The following PLXDC2 variants were observed in gnomAD, a reference collection of about 807,000 sequenced individuals.
PLXDC2 encodes the protein plexin domain-containing protein 2.
In PLXDC2, 40 loss-of-function variants were observed where a neutral mutation model predicts 68.9. The ratio of observed to expected loss-of-function variants is 0.58; its 90% CI spans 0.45 to 0.76. The LOEUF (loss-of-function observed/expected upper bound fraction) is 0.76. PLXDC2 is among the 30% of genes least tolerant of loss of function. The pLI is 0.00. For missense variants in PLXDC2, 644 were observed against 661.9 expected, an observed-to-expected ratio of 0.97 and a Z score of 0.30; for synonymous variants, 243 against 234.2, an observed-to-expected ratio of 1.04 and a Z score of -0.34.
chr10:19,926,615 C>A (rs1833540973), intron 1 of PLXDC2, among the ~76,000 whole-genome samples: 1 of 151,960 alleles, frequency 6.6e-6, no homozygotes, highest in South Asian at 2.1e-4. Context: ...TCCATTTTTT[C>A]CCATTGTTCT....
At chr10:19,926,839 G>T (rs1355302941) in intron 1 of PLXDC2, among the ~76,000 whole-genome samples, 1 of 152,192 alleles carries the variant, frequency 6.6e-6, no homozygotes, top group Non-Finnish European at 1.5e-5. Flanking sequence ...AAAGACCAAT[G>T]AGAGCCCTTG....
chr10:20,133,262 T>TAGTGTGATTGCA (rs1833890633), intron 4 of PLXDC2, among the ~76,000 whole-genome samples: 2 of 152,220 alleles, frequency 1.3e-5, no homozygotes, highest in Non-Finnish European at 2.9e-5. Context: ...AATATAAGAA[T>TAGTGTGATTGCA]AGCTGAGTGT....
chr10:19,912,815 G>T (rs189961770), intron 1 of PLXDC2, among the ~76,000 whole-genome samples: 4 of 152,222 alleles, frequency 2.6e-5, no homozygotes, highest in African/African-American at 9.6e-5. Flanking sequence ...TCTCTAGCTA[G>T]ACAGTGGATT....
intron 1 of PLXDC2, among the ~76,000 whole-genome samples, chr10:19,891,865 TG>T (rs1837969822): frequency 2.6e-5 from 4 of 152,224 alleles, no homozygotes; most frequent in Non-Finnish European, 5.9e-5. Context: ...CTTCTTTGAT[TG>T]AAAAAATTGG....
chr10:19,892,396 A>G (rs1325144732), intron 1 of PLXDC2, among the ~76,000 whole-genome samples: 1 of 152,188 alleles, frequency 6.6e-6, no homozygotes, highest in Non-Finnish European at 1.5e-5. Context: ...TCCGCTCTTA[A>G]CCACTATGCC....
At chr10:20,074,864 GTAT>G (rs35596122) in intron 4 of PLXDC2, among the ~76,000 whole-genome samples, 5 of 151,002 alleles carry the variant, frequency 3.3e-5, no homozygotes, top group African/African-American at 7.3e-5. Flanking sequence ...GAGTTGTTTT[GTAT>G]TATTATTATT....
rs1244468701 is a variant in PLXDC2 at position 20,045,808 on chromosome 10, T to A, written c.325-1061T>A. Among the ~76,000 whole-genome samples the A allele has an allele frequency of 2.0e-5, 3 of 152,202 alleles. No homozygotes were observed. In the East Asian group the frequency reaches 5.8e-4, roughly 29 times the overall value. ...ACATTTTTTCTTACATTTACCTGAATGTTTTAAAATATTTTTTGTCTACTA... is the reference window on the plus strand; with the variant it reads ...ACATTTTTTCTTACATTTACCTGAAAGTTTTAAAATATTTTTTGTCTACTA... On this transcript the variant is annotated intron_variant, in intron 2 of 13. Coordinates refer to ENST00000377252, the MANE Select transcript of PLXDC2 (RefSeq NM_032812.9).
At chr10:20,018,126 A>G (rs1321355908) in intron 2 of PLXDC2, among the ~76,000 whole-genome samples, 1 of 152,228 alleles carries the variant, frequency 6.6e-6, no homozygotes, top group Non-Finnish European at 1.5e-5. Context: ...ATGGCAAAAC[A>G]AAATATTTCT....
intron 1 of PLXDC2, among the ~76,000 whole-genome samples, chr10:19,891,020 G>T (rs1837949905): frequency 6.6e-6 from 1 of 151,998 alleles, no homozygotes. Context: ...TCTAACTTCT[G>T]ACCTCATTTC....
chr10:19,981,703 C>A (rs564546078), intron 1 of PLXDC2, among the ~76,000 whole-genome samples: 1 of 152,182 alleles, frequency 6.6e-6, no homozygotes, highest in Non-Finnish European at 1.5e-5. Flanking sequence ...ATTCAGCATG[C>A]GCCTTTTTGT....
intron 12 of PLXDC2, among the ~76,000 whole-genome samples, chr10:20,222,797 G>C (rs1172208460): frequency 1.3e-5 from 2 of 151,552 alleles, no homozygotes; most frequent in Non-Finnish European, 2.9e-5. Context: ...AGGCCAAACT[G>C]GGCAACATAG....
chr10:20,118,582 T>C (rs1833653250), intron 4 of PLXDC2, among the ~76,000 whole-genome samples: 1 of 152,322 alleles, frequency 6.6e-6, no homozygotes, highest in African/African-American at 2.4e-5. Context: ...ATCCATAGTG[T>C]AGCTCTTCTT....
intron 4 of PLXDC2, among the ~76,000 whole-genome samples, chr10:20,141,689 T>A (rs1373257060): frequency 1.3e-5 from 2 of 152,052 alleles, no homozygotes; most frequent in Non-Finnish European, 2.9e-5. Flanking sequence ...TCTTCATATT[T>A]ATAATGTTAA....
chr10:19,998,000 A>G (rs989899599), intron 1 of PLXDC2, among the ~76,000 whole-genome samples: 8 of 152,246 alleles, frequency 5.3e-5, no homozygotes, highest in Admixed American at 2.6e-4. Flanking sequence ...GAGCTATGTG[A>G]TTAATGACTA....
chr10:20,069,646 C>G (rs534700670), intron 4 of PLXDC2, among the ~76,000 whole-genome samples: 2 of 151,940 alleles, frequency 1.3e-5, no homozygotes, highest in African/African-American at 4.8e-5. Flanking sequence ...CAGAGCAAGA[C>G]TCTATCTCTG....
intron 6 of PLXDC2, among the ~76,000 whole-genome samples, chr10:20,162,766 G>A (rs1030345384): frequency 6.6e-6 from 1 of 151,876 alleles, no homozygotes; most frequent in Non-Finnish European, 1.5e-5. Flanking sequence ...TAGTAAATCA[G>A]TAAATAAAAT....
intron 5 of PLXDC2, among the ~76,000 whole-genome samples, chr10:20,146,734 G>T (rs1342125493): frequency 6.6e-6 from 1 of 152,010 alleles, no homozygotes; most frequent in Non-Finnish European, 1.5e-5. Context: ...TTACAATTGG[G>T]TGTTCAAAAT....
intron 12 of PLXDC2, among the ~76,000 whole-genome samples, chr10:20,225,909 T>G (rs888427643): frequency 1.3e-5 from 2 of 152,140 alleles, no homozygotes; most frequent in Non-Finnish European, 2.9e-5. Context: ...TCACTGTGGG[T>G]GGAGATTCTT....
chr10:20,111,959 G>A (rs966272437), intron 4 of PLXDC2, among the ~76,000 whole-genome samples: 2 of 152,148 alleles, frequency 1.3e-5, no homozygotes, highest in Non-Finnish European at 2.9e-5. Flanking sequence ...AGGGTTATAC[G>A]AATTTATTGA....
Sources: allele counts gnomAD v4.1 joint callset (sites outside exome capture counted in the v4.1 genomes callset), GRCh38; gene constraint gnomAD v4.1.1; transcripts MANE v1.5; gene names NCBI Gene and HGNC (gene_info 2026-07-23, HGNC 2026-07-21).